The following NXPH1 variants were observed in gnomAD, a reference collection of about 807,000 sequenced individuals.
The protein encoded by NXPH1 is neurexophilin 1, also known as neurexophilin-1.
In NXPH1, 5 loss-of-function variants were observed where a neutral mutation model predicts 23.7. The ratio of observed to expected loss-of-function variants is 0.21; its 90% CI spans 0.11 to 0.44. The LOEUF is 0.44. Ranked by LOEUF, NXPH1 falls within the 20% of genes least tolerant of loss-of-function variation. The pLI is 0.99. For missense variants in NXPH1, 324 were observed against 321.6 expected (o/e 1.01, Z -0.06); for synonymous variants, 144 against 122.2 (o/e 1.18, Z -1.18).
intron 2 of NXPH1, among the ~76,000 whole-genome samples, chr7:8,489,217 C>G (rs1033800236): frequency 6.6e-6 from 1 of 152,064 alleles, no homozygotes; most frequent in Non-Finnish European, 1.5e-5. Flanking sequence ...GGGATGTTCT[C>G]TTCCTTCTTC....
intron 2 of NXPH1, among the ~76,000 whole-genome samples, chr7:8,524,469 A>C (rs934499344): frequency 6.6e-6 from 1 of 151,844 alleles, no homozygotes; most frequent in Non-Finnish European, 1.5e-5. Context: ...TTCCTTCCTT[A>C]CTTACACTGA....
chr7:8,435,596 G>T lies in NXPH1; in HGVS notation c.-110-8G>T. 6.0e-5 allele frequency: 51 copies of T among 856,796 alleles called. No homozygotes were observed. Among genetic ancestry groups the T allele is most frequent in the Non-Finnish European group, 6.7e-5 (34 of 507,580 alleles). 53.1% of individuals were successfully genotyped at this position (856,796 alleles called of 1,614,324 possible). On this transcript the variant is annotated splice_region_variant and splice_polypyrimidine_tract_variant and intron_variant, in intron 1 of 2. Coordinates refer to ENST00000405863, the MANE Select transcript of NXPH1 (RefSeq NM_152745.3). The surrounding 1 kb of genome is among the most constrained non-coding windows in gnomAD (Gnocchi z 5.9). The stretch of plus-strand genomic sequence containing the variant: ...AGTCATGGGATGTCTAATTTTATTT[G>T]CATCTAGGCTGCTGAGAGCGCTCCT...
chr7:8,585,473 A>G (rs575990735), intron 2 of NXPH1, among the ~76,000 whole-genome samples: 6 of 152,232 alleles, frequency 3.9e-5, no homozygotes, highest in Non-Finnish European at 7.3e-5. Flanking sequence ...ATTCATGGGT[A>G]AATCATAACC....
At chr7:8,464,960 A>G (rs2128607395) in intron 2 of NXPH1, among the ~76,000 whole-genome samples, 1 of 152,306 alleles carries the variant, frequency 6.6e-6, no homozygotes, top group East Asian at 1.9e-4. Context: ...GAGGGAGAGA[A>G]GGACCAAAAT....
chr7:8,442,623 C>T lies in NXPH1; in HGVS notation c.54+6856C>T, dbSNP rs1219118784. 6.6e-6 allele frequency among the ~76,000 whole-genome samples: 1 copy of T among 152,214 alleles called. No individual in the cohort carries two copies. The highest frequency in any genetic ancestry group is 1.5e-5 in the Non-Finnish European group (1 of 68,030). ...TTTTCGACGTAGGCTTCATACCCTC[C>T]CTTCGGAAACTCAGTCCGCTGACCA... On this transcript the variant is annotated intron_variant, in intron 2 of 2. Transcript: ENST00000405863. This position sits in a 1 kb window ranked among gnomAD's most constrained non-coding sequence, Gnocchi z 4.6.
rs554325939 is a variant in NXPH1 at position 8,453,800 on chromosome 7, A to T, written c.54+18033A>T. 3.2e-4 allele frequency among the ~76,000 whole-genome samples: 48 copies of T among 152,066 alleles called. No homozygotes were observed. The South Asian group carries it at 5.0e-3, about 16-fold the overall frequency. On this transcript the variant is annotated intron_variant, in intron 2 of 2. Coordinates refer to ENST00000405863, the MANE Select transcript of NXPH1 (RefSeq NM_152745.3). ...GTATTCCATCTTATATATGTACCAA[A>T]TTTTTTTTATCCAGTCTATCATTGA...
chr7:8,449,055 TA>T (rs1816458246), intron 2 of NXPH1, among the ~76,000 whole-genome samples: 1 of 152,228 alleles, frequency 6.6e-6, no homozygotes, highest in Non-Finnish European at 1.5e-5. Context: ...GAGATTATCT[TA>T]AAATTTGCAC....
chr7:8,512,437 G>C (rs1221515849), intron 2 of NXPH1, among the ~76,000 whole-genome samples: 1 of 152,050 alleles, frequency 6.6e-6, no homozygotes, highest in Non-Finnish European at 1.5e-5. Flanking sequence ...TAATCTTTTT[G>C]AACACAGTCT....
chr7:8,542,475 C>T (rs1390331442), intron 2 of NXPH1, among the ~76,000 whole-genome samples: 3 of 151,486 alleles, frequency 2.0e-5, no homozygotes, highest in Admixed American at 1.3e-4. Context: ...AAAAATTGAT[C>T]TAATCTGCAG....
Position 8,666,417 on chromosome 7 carries a change from G to A in NXPH1, c.55-84591G>A, listed in dbSNP as rs116351344. ...TCATAATAAGAAATCCTTTTAATAT[G>A]CTGCATAAGTTCTTTGCTAGTATTT... On this transcript the variant is annotated intron_variant, in intron 2 of 2. Coordinates refer to ENST00000405863, the MANE Select transcript of NXPH1 (RefSeq NM_152745.3). Among the ~76,000 whole-genome samples the A allele has an allele frequency of 5.8e-3, 886 of 152,020 alleles. 8 individuals carry two copies. Among genetic ancestry groups the A allele is most frequent in the African/African-American group, 0.02 (847 of 41,532 alleles).
At chr7:8,622,726 G>A (rs901647417) in intron 2 of NXPH1, among the ~76,000 whole-genome samples, 1 of 152,154 alleles carries the variant, frequency 6.6e-6, no homozygotes, top group Non-Finnish European at 1.5e-5. Flanking sequence ...ATATGCTAAT[G>A]TAAAAAGAAC....
chr7:8,494,937 C>T (rs1242130950), intron 2 of NXPH1, among the ~76,000 whole-genome samples: 1 of 151,986 alleles, frequency 6.6e-6, no homozygotes, highest in Admixed American at 6.6e-5. Context: ...AATGCTGTCT[C>T]TTGGTTAAGT....
intron 2 of NXPH1, among the ~76,000 whole-genome samples, chr7:8,654,779 A>G (rs1291503061): frequency 2.6e-5 from 4 of 152,168 alleles, no homozygotes; most frequent in Non-Finnish European, 4.4e-5. Context: ...ACTGACATCC[A>G]TGGCAGGTTC....
chr7:8,647,835 C>A (rs2115149030), intron 2 of NXPH1, among the ~76,000 whole-genome samples: 2 of 150,412 alleles, frequency 1.3e-5, no homozygotes, highest in South Asian at 4.2e-4. Flanking sequence ...GCCATTTTAT[C>A]CCTAACCCAT....
At chr7:8,470,223 T>G (rs146493536) in intron 2 of NXPH1, among the ~76,000 whole-genome samples, 207 of 150,368 alleles carry the variant, frequency 1.4e-3, no homozygotes, top group African/African-American at 4.8e-3. Context: ...CTTTTATCGC[T>G]GGATAGATTA....
At chr7:8,704,925 C>T (rs773392513) in intron 2 of NXPH1, among the ~76,000 whole-genome samples, 8 of 152,062 alleles carry the variant, frequency 5.3e-5, no homozygotes, top group African/African-American at 1.9e-4. Context: ...ATAAAATCTT[C>T]CTTCAAGTTC....
chr7:8,564,647 A>G (rs1311486666), intron 2 of NXPH1, among the ~76,000 whole-genome samples: 1 of 151,828 alleles, frequency 6.6e-6, no homozygotes, highest in Admixed American at 6.6e-5. Flanking sequence ...GAAAAGAATA[A>G]GCATCACTTG....
chr7:8,670,671 A>G lies in NXPH1; in HGVS notation c.55-80337A>G, dbSNP rs367998536. Among the ~76,000 whole-genome samples, 6 of 152,336 alleles carry G rather than the reference A, an allele frequency of 3.9e-5. No individual in the cohort carries two copies. In the East Asian group the frequency reaches 9.6e-4, roughly 24 times the overall value. On this transcript the variant is annotated intron_variant, in intron 2 of 2. Coordinates refer to ENST00000405863, the MANE Select transcript of NXPH1 (RefSeq NM_152745.3). ...CCCAATATCGTCATTTACCAGAAAA[A>G]ATGTGTTCTTTAAAACATAGGTCAG...
chr7:8,662,744 T>G (rs777119803), intron 2 of NXPH1, among the ~76,000 whole-genome samples: 9 of 152,082 alleles, frequency 5.9e-5, no homozygotes, highest in Non-Finnish European at 1.3e-4. Context: ...TTCATTAAAC[T>G]ACAAGTAATG....
Sources: gnomAD v4.1 joint callset for allele counts (sites outside exome capture counted in the v4.1 genomes callset) on GRCh38, gnomAD v4.1.1 for gene constraint, Gnocchi (gnomAD v3.1) non-coding constraint, MANE v1.5 for transcripts, NCBI Gene and HGNC (gene_info 2026-07-23, HGNC 2026-07-21) for gene names.